Variants in MANEA observed in about 807,000 individuals in gnomAD.
MANEA encodes the protein glycoprotein endo-alpha-1,2-mannosidase.
MANEA carries 25 observed loss-of-function variants against 36.8 expected under a neutral mutation model. The observed-to-expected ratio is 0.68, with a 90% CI of 0.50 to 0.95. The LOEUF (loss-of-function observed/expected upper bound fraction) is 0.95. MANEA is among the 40% of genes least tolerant of loss of function. The pLI is 0.00. For synonymous variants in MANEA, 198 were observed against 188.5 expected (o/e 1.05, Z -0.41); for missense variants, 565 against 558.8 (o/e 1.01, Z -0.11).
intron 1 of MANEA, among the ~76,000 whole-genome samples, chr6:95,586,128 T>C (rs1769275444): frequency 6.6e-6 from 1 of 152,238 alleles, no homozygotes; most frequent in African/African-American, 2.4e-5. Flanking sequence ...AAATAAAATT[T>C]CCTAAAGGTT....
intron 4 of MANEA, 138 bp from the exon 5 acceptor site, chr6:95,605,604 ATTACAC>A: frequency 3.3e-6 from 2 of 604,098 alleles, no homozygotes; most frequent in Non-Finnish European, 5.8e-6. Flanking sequence ...ATTTTTAATT[ATTACAC>A]TTACACAACT....
Position 95,586,703 on chromosome 6 carries a change from C to T in MANEA, c.264C>T (p.Ala88=). The T allele has an allele frequency of 6.2e-7, 1 of 1,613,962 alleles. No individual in the cohort carries two copies. The highest frequency in any genetic ancestry group is 8.5e-7 in the Non-Finnish European group (1 of 1,179,948). The part of the protein sequence containing the change: ...SVEITMKPSK[A]SELNLDELPP... The stretch of plus-strand genomic sequence containing the variant: ...AAATCACTATGAAACCTTCCAAAGC[C>T]TCTGAACTTAACTTGGATGAACTAC... Residue 88 remains alanine, a synonymous_variant, in exon 2 of 5, where the codon GCC becomes GCT. Transcript: ENST00000358812.
rs767580957 is a variant in MANEA, at chr6:95,606,242, C to T, written c.1226C>T (p.Thr409Ile). The T allele has an allele frequency of 6.2e-7, 1 of 1,613,888 alleles. No homozygotes were observed. The highest frequency in any genetic ancestry group is 8.5e-7 in the Non-Finnish European group (1 of 1,179,944). The change falls in exon 5 of 5, where the codon ACT becomes ATT. Residue 409 changes from threonine to isoleucine, a missense_variant. Thr to Ile is a moderately conservative substitution (Grantham distance 89, BLOSUM62 -1). Coordinates refer to ENST00000358812, the MANE Select transcript of MANEA (RefSeq NM_024641.4). ...TCTTTTAATGAGTGGCATGAAGGAA[C>T]TCAGATTGAAAAAGCTGTTCCCAAA... ...ITSFNEWHEG[T>I]QIEKAVPKRT...
At chr6:95,603,644 CAG>C (rs1316389570) in intron 3 of MANEA, among the ~76,000 whole-genome samples, 3 of 151,808 alleles carry the variant, frequency 2.0e-5, no homozygotes, top group Non-Finnish European at 4.4e-5. Flanking sequence ...TAATTGAAAA[CAG>C]AGGAGTTTCA....
chr6:95,593,871 C>T (rs1169543573), intron 2 of MANEA, among the ~76,000 whole-genome samples: 1 of 151,922 alleles, frequency 6.6e-6, no homozygotes, highest in Non-Finnish European at 1.5e-5. Context: ...CATGGTGAAA[C>T]CCCATCTCTA....
At chr6:95,594,977 T>G (rs1769458141) in intron 2 of MANEA, among the ~76,000 whole-genome samples, 1 of 152,148 alleles carries the variant, frequency 6.6e-6, no homozygotes, top group Admixed American at 6.6e-5. Context: ...ATAATAATAA[T>G]GGTTATTTTC....
In MANEA at chr6:95,607,807, G is replaced by C. The variant is rs1769744034; in HGVS notation, c.*1402G>C. 1 of 151,284 alleles carries C rather than the reference G, an allele frequency of 6.6e-6. No homozygotes were observed. The highest frequency in any genetic ancestry group is 6.6e-5 in the Admixed American group (1 of 15,158). The allele number at this position is 151,284 out of a possible 1,614,324, so 9.4% of individuals were successfully genotyped here. On this transcript the variant is annotated 3_prime_UTR_variant, in exon 5 of 5. Transcript: ENST00000358812. ...CCTATTACATAAATGTTATTTCTTAGGTGTTCCATTAAGAAGAGCAATAGA... is the reference window on the plus strand; with the variant it reads ...CCTATTACATAAATGTTATTTCTTACGTGTTCCATTAAGAAGAGCAATAGA...
At chr6:95,589,203 C>T (rs1193460879) in intron 2 of MANEA, among the ~76,000 whole-genome samples, 1 of 152,008 alleles carries the variant, frequency 6.6e-6, no homozygotes, top group African/African-American at 2.4e-5. Context: ...AATAATTTGA[C>T]TGTTGGAATA....
At chr6:95,591,183 T>C (rs1423058154) in intron 2 of MANEA, among the ~76,000 whole-genome samples, 1 of 152,232 alleles carries the variant, frequency 6.6e-6, no homozygotes, top group Non-Finnish European at 1.5e-5. Flanking sequence ...TCCCCATCCA[T>C]ATTTTAATGT....
In MANEA at chr6:95,605,859, G is replaced by A; in HGVS notation, c.843G>A (p.Leu281=). Residue 281 remains leucine, a synonymous_variant, in exon 5 of 5, where the codon CTG becomes CTA. Coordinates refer to ENST00000358812, the MANE Select transcript of MANEA (RefSeq NM_024641.4). The part of the protein sequence containing the change: ...YITKPEKWAN[L]LTTSGSRSIR... ...CCAAGCCTGAAAAATGGGCCAATCTGTTAACCACCTCAGGGTCTCGGAGTA... is the reference window on the plus strand; with the variant it reads ...CCAAGCCTGAAAAATGGGCCAATCTATTAACCACCTCAGGGTCTCGGAGTA... 6.2e-7 allele frequency: 1 copy of A among 1,613,884 alleles called. No individual in the cohort carries two copies. The highest frequency in any genetic ancestry group is 8.5e-7 in the Non-Finnish European group (1 of 1,179,912).
At chr6:95,586,144 G>C (rs1320259151) in intron 1 of MANEA, among the ~76,000 whole-genome samples, 1 of 152,172 alleles carries the variant, frequency 6.6e-6, no homozygotes, top group East Asian at 1.9e-4. Flanking sequence ...AGGTTCGTCT[G>C]ACTAAACGTA....
chr6:95,587,677 A>T (rs1769313974), intron 2 of MANEA, among the ~76,000 whole-genome samples: 1 of 152,078 alleles, frequency 6.6e-6, no homozygotes, highest in Non-Finnish European at 1.5e-5. Flanking sequence ...ACCTGTTGAT[A>T]GGTGTTTGGG....
At chr6:95,597,076 G>A (rs1392118097) in intron 3 of MANEA, among the ~76,000 whole-genome samples, 1 of 151,678 alleles carries the variant, frequency 6.6e-6, no homozygotes, top group Admixed American at 6.6e-5. Flanking sequence ...ATAGTAGAAA[G>A]GGATTGAAAG....
chr6:95,598,165 T>A (rs1769515166), intron 3 of MANEA, among the ~76,000 whole-genome samples: 1 of 152,220 alleles, frequency 6.6e-6, no homozygotes, highest in African/African-American at 2.4e-5. Context: ...CTCAGTTGTA[T>A]TCAGAATAGT....
chr6:95,593,115 T>A (rs1769414432), intron 2 of MANEA, among the ~76,000 whole-genome samples: 1 of 152,186 alleles, frequency 6.6e-6, no homozygotes, highest in African/African-American at 2.4e-5. Context: ...ATTTTACTTA[T>A]AAGTGATACT....
At chr6:95,592,861 G>A (rs2127941607) in intron 2 of MANEA, among the ~76,000 whole-genome samples, 1 of 152,092 alleles carries the variant, frequency 6.6e-6, no homozygotes, top group East Asian at 1.9e-4. Context: ...GATTCTCTAG[G>A]CCTATCTGAT....
rs143937768 is a variant in MANEA, at chr6:95,599,396, G to C, written c.654+2550G>C. 2.0e-5 allele frequency among the ~76,000 whole-genome samples: 3 copies of C among 147,220 alleles called. No individual in the cohort carries two copies. In the South Asian group the frequency reaches 6.8e-4, roughly 33 times the overall value. On this transcript the variant is annotated intron_variant, in intron 3 of 4. Transcript: ENST00000358812. ...GGTGCCACTGCACTCCAGCCTGGGC[G>C]ACAGAGTGAGAGTCTATCTCAAAAA... is the stretch of plus-strand genomic sequence containing the variant.
At chr6:95,604,042 G>A (rs2127945609) in intron 3 of MANEA, among the ~76,000 whole-genome samples, 1 of 135,184 alleles carries the variant, frequency 7.4e-6, no homozygotes, top group East Asian at 2.2e-4. Context: ...GTATGTATGT[G>A]TGCGTATATA....
chr6:95,578,452 T>TG (rs1436953252), intron 1 of MANEA, among the ~76,000 whole-genome samples: 1 of 152,174 alleles, frequency 6.6e-6, no homozygotes, highest in Admixed American at 6.5e-5. Context: ...TGGAATAGGC[T>TG]GTTCACGTTA....
Sources: allele counts gnomAD v4.1 joint callset (sites outside exome capture counted in the v4.1 genomes callset), GRCh38; gene constraint gnomAD v4.1.1; transcripts MANE v1.5; gene names NCBI Gene and HGNC (gene_info 2026-07-23, HGNC 2026-07-21).